Variants in NELL2 observed in about 807,000 individuals in gnomAD.
NELL2 encodes neural EGFL like 2, also known as protein kinase C-binding protein NELL2.
In NELL2, 41 loss-of-function variants were observed where a neutral mutation model predicts 109.6. The ratio of observed to expected loss-of-function variants is 0.37; its 90% CI spans 0.29 to 0.49. The LOEUF is 0.49. Among genes scored for constraint, NELL2 ranks in the 20% least tolerant of loss-of-function variants. The pLI is 0.98. For missense variants in NELL2, 900 were observed against 1,008.3 expected (o/e 0.89, Z 1.45); for synonymous variants, 355 against 344.7 (o/e 1.03, Z -0.33).
At chr12:44,867,072 C>A (rs1945021656) in intron 2 of NELL2, among the ~76,000 whole-genome samples, 1 of 152,092 alleles carries the variant, frequency 6.6e-6, no homozygotes, top group East Asian at 1.9e-4. Flanking sequence ...ATAACCAATA[C>A]CAATCCTTCT....
Position 44,523,395 on chromosome 12 carries a change from G to A in NELL2, c.1894C>T (p.His632Tyr), listed in dbSNP as rs199920966. Residue 632 changes from histidine (H) to tyrosine (Y), a missense_variant, in exon 17 of 20, where the codon CAT becomes TAT. His to Tyr is a moderately conservative substitution (Grantham distance 83, BLOSUM62 2). Coordinates refer to ENST00000429094, the MANE Select transcript of NELL2 (RefSeq NM_001145108.2). ...CAGTCCCCTGTGCAATTCTTTCCAT[G>A]AGGACATCGACAATCATATCCGCCA... ...LDGGYDCRCPHGKNCTGDCIH... is the reference protein window; with the variant it reads ...LDGGYDCRCPYGKNCTGDCIH... 1.9e-6 allele frequency: 3 copies of A among 1,614,094 alleles called. No homozygotes were observed. Among genetic ancestry groups the A allele is most frequent in the Non-Finnish European group, 2.5e-6 (3 of 1,180,006 alleles).
rs1393237350 is a variant in NELL2 at position 44,876,305 on chromosome 12, G to C, written c.-436C>G. On this transcript the variant is annotated 5_prime_UTR_variant, in exon 1 of 20. Coordinates refer to ENST00000429094, the MANE Select transcript of NELL2 (RefSeq NM_001145108.2). Reference sequence around the variant, plus strand: ...CCCGCCGCCCGAACCTGTTGTAAAGGCAGAGACAATGGAGAAAGCTCCGGG... The same window carrying C: ...CCCGCCGCCCGAACCTGTTGTAAAGCCAGAGACAATGGAGAAAGCTCCGGG... The C allele has an allele frequency of 8.5e-7, 1 of 1,172,990 alleles. No homozygotes were observed. Among genetic ancestry groups the C allele is most frequent in the Non-Finnish European group, 1.1e-6 (1 of 946,648 alleles). The allele number at this position is 1,172,990 out of a possible 1,614,324, so 72.7% of individuals were successfully genotyped here.
intron 12 of NELL2, among the ~76,000 whole-genome samples, chr12:44,682,620 T>C (rs997984371): frequency 3.9e-5 from 6 of 152,242 alleles, no homozygotes; most frequent in African/African-American, 1.4e-4. Context: ...GGGATCCAGT[T>C]TCAGCTTTTT....
chr12:44,525,819 T>C (rs1941742012), intron 16 of NELL2, among the ~76,000 whole-genome samples: 1 of 152,234 alleles, frequency 6.6e-6, no homozygotes, highest in South Asian at 2.1e-4. Context: ...ACTTGCTTCC[T>C]ATCACACTGG....
At chr12:44,688,295 A>C (rs1948790716) in intron 12 of NELL2, among the ~76,000 whole-genome samples, 1 of 152,252 alleles carries the variant, frequency 6.6e-6, no homozygotes, top group Non-Finnish European at 1.5e-5. Context: ...ATATCATTAT[A>C]CAGACTCTAA....
At chr12:44,888,229 G>T (rs1317604094) in intron 1 of NELL2, among the ~76,000 whole-genome samples, 3 of 151,962 alleles carry the variant, frequency 2.0e-5, no homozygotes, top group African/African-American at 7.3e-5. Context: ...TGCTGATTTG[G>T]TTACTATAGC....
intron 15 of NELL2, among the ~76,000 whole-genome samples, chr12:44,578,884 G>A (rs1368058744): frequency 6.6e-6 from 1 of 152,106 alleles, no homozygotes; most frequent in Non-Finnish European, 1.5e-5. Context: ...AACAGAAAAA[G>A]CCTTCAAAAG....
intron 3 of NELL2, among the ~76,000 whole-genome samples, chr12:44,794,916 T>C (rs904413041): frequency 6.6e-6 from 1 of 152,100 alleles, no homozygotes; most frequent in South Asian, 2.1e-4. Flanking sequence ...CCTGATTTGT[T>C]AGAATTTTGA....
At chr12:44,861,789 G>C (rs1435920940) in intron 2 of NELL2, among the ~76,000 whole-genome samples, 1 of 152,230 alleles carries the variant, frequency 6.6e-6, no homozygotes, top group African/African-American at 2.4e-5. Flanking sequence ...AGGACAGCCT[G>C]TCTGAGAACT....
At chr12:44,713,073 T>A (rs908578367) in intron 10 of NELL2, among the ~76,000 whole-genome samples, 3 of 151,732 alleles carry the variant, frequency 2.0e-5, no homozygotes, top group Non-Finnish European at 2.9e-5. Context: ...AATCAAATAA[T>A]CTTATATAAT....
At position 44,529,402 on chromosome 12, in the gene NELL2, T is replaced by C. The variant is rs145169957; in HGVS notation, c.1804+3179A>G. Reference sequence around the variant, plus strand: ...CTGTTTTAGTCGTATTAAGTCTGAGTTGTCTATTAGAAGTCCAAGTTGAGC... The same window carrying C: ...CTGTTTTAGTCGTATTAAGTCTGAGCTGTCTATTAGAAGTCCAAGTTGAGC... On this transcript the variant is annotated intron_variant, in intron 16 of 19. Transcript: ENST00000429094. 7.7e-3 allele frequency among the ~76,000 whole-genome samples: 1,179 copies of C among 152,168 alleles called. 13 individuals are homozygous for C. Among genetic ancestry groups the C allele is most frequent in the African/African-American group, 0.028 (1,149 of 41,484 alleles).
chr12:44,613,583 A>G (rs1193706468), intron 13 of NELL2, among the ~76,000 whole-genome samples: 5 of 152,122 alleles, frequency 3.3e-5, no homozygotes, highest in African/African-American at 9.7e-5. Context: ...TCTTTTGAAA[A>G]CAGAAAATAT....
chr12:44,509,081 T>C (rs1940859051), intron 19 of NELL2, 97 bp from the exon 20 acceptor site: 2 of 1,022,610 alleles, frequency 2.0e-6, no homozygotes, highest in Non-Finnish European at 3.0e-6. Flanking sequence ...CAAAACTGTA[T>C]AATTTATTTC....
chr12:44,682,088 T>C (rs1157617794), intron 12 of NELL2, among the ~76,000 whole-genome samples: 1 of 150,304 alleles, frequency 6.7e-6, no homozygotes, highest in Non-Finnish European at 1.5e-5. Context: ...TGTTGTTTCT[T>C]GACTTTTTAA....
chr12:44,540,793 A>AAAAAAAAAAAAAAAAAAAAAAAAAC (rs1225116240), intron 15 of NELL2, among the ~76,000 whole-genome samples: 1 of 149,910 alleles, frequency 6.7e-6, no homozygotes, highest in African/African-American at 2.4e-5. Flanking sequence ...AAAAAAAAAA[A>AAAAAAAAAAAAAAAAAAAAAAAAAC]AAAAAGCCCA....
intron 2 of NELL2, among the ~76,000 whole-genome samples, chr12:44,864,882 C>A (rs948194157): frequency 6.6e-6 from 1 of 151,590 alleles, no homozygotes; most frequent in African/African-American, 2.4e-5. Flanking sequence ...TGGGTATATA[C>A]CCAGTAATGG....
chr12:44,775,964 T>C lies in NELL2; in HGVS notation c.891+58A>G, dbSNP rs997228112. Reference sequence around the variant, plus strand: ...TTCATGATTACATTGTTTTAATAAATTTTTAAAGAGTGGGAGCATCTGAGT... The same window carrying C: ...TTCATGATTACATTGTTTTAATAAACTTTTAAAGAGTGGGAGCATCTGAGT... On this transcript the variant is annotated intron_variant, in intron 8 of 19. Coordinates refer to ENST00000429094, the MANE Select transcript of NELL2 (RefSeq NM_001145108.2). The C allele has an allele frequency of 2.5e-6, 4 of 1,572,286 alleles. No individual in the cohort carries two copies. In the African/African-American group the frequency reaches 5.5e-5, roughly 22 times the overall value.
chr12:44,616,086 G>T (rs1945814228), intron 13 of NELL2, among the ~76,000 whole-genome samples: 1 of 152,042 alleles, frequency 6.6e-6, no homozygotes, highest in Admixed American at 6.5e-5. Context: ...GAAACACTGT[G>T]CATTGTGCTG....
intron 3 of NELL2, among the ~76,000 whole-genome samples, chr12:44,807,911 T>C (rs981143327): frequency 3.3e-5 from 5 of 152,028 alleles, no homozygotes; most frequent in African/African-American, 1.2e-4. Flanking sequence ...ATTCCAGTAC[T>C]CTGTCCATAG....
Sources: gnomAD v4.1 joint callset for allele counts (sites outside exome capture counted in the v4.1 genomes callset) on GRCh38, gnomAD v4.1.1 for gene constraint, MANE v1.5 for transcripts, NCBI Gene and HGNC (gene_info 2026-07-23, HGNC 2026-07-21) for gene names.